The following ZNF676 variants were observed in gnomAD, a reference collection of about 807,000 sequenced individuals.
ZNF676 encodes the protein zinc finger protein 676.
Under a neutral mutation model 6.0 loss-of-function variants are expected in ZNF676, and 4 were observed. That is an observed-to-expected ratio of 0.67 (90% CI 0.33 to 1.53). The LOEUF (loss-of-function observed/expected upper bound fraction) is 1.53, where lower values mean the gene tolerates loss of function less well. Among genes scored for constraint, ZNF676 ranks in the 40% most tolerant of loss-of-function variants. The pLI is 0.06. For missense variants in ZNF676, 644 were observed against 679.7 expected (o/e 0.95, Z 0.58); for synonymous variants, 198 against 223.1 (o/e 0.89, Z 1.00).
upstream of ZNF676, among the ~76,000 whole-genome samples, chr19:22,218,658 A>G (rs1194709950): frequency 6.6e-6 from 1 of 152,004 alleles, no homozygotes; most frequent in Non-Finnish European, 1.5e-5. Context: ...ATCCAGTTTT[A>G]TTCTTCAATA....
Position 22,181,354 on chromosome 19 carries a change from G to C in ZNF676, c.363C>G (p.Val121=), listed in dbSNP as rs2023747429. The C allele has an allele frequency of 6.2e-7, 1 of 1,613,660 alleles. No homozygotes were observed. Among genetic ancestry groups the C allele is most frequent in the Non-Finnish European group, 8.5e-7 (1 of 1,179,740 alleles). Residue 121 remains valine, a synonymous_variant, in exon 3 of 3, where the codon GTC becomes GTG. Transcript: ENST00000397121. ...TGTTTGAATTTGAACATTTATGAAA[G>C]ACGTTTGCATATTTGCCACATTGAA... The part of the protein sequence containing the change: ...KVFQCGKYAN[V]FHKCSNSNRH...
chr19:22,186,793 T>G (rs2023845849), intron 2 of ZNF676, among the ~76,000 whole-genome samples: 1 of 152,198 alleles, frequency 6.6e-6, no homozygotes, highest in Non-Finnish European at 1.5e-5. Flanking sequence ...AGATGGGCAT[T>G]ACATAATGGT....
chr19:22,191,548 C>G (rs1470506926), intron 2 of ZNF676, among the ~76,000 whole-genome samples: 2 of 152,128 alleles, frequency 1.3e-5, no homozygotes, highest in African/African-American at 4.8e-5. Context: ...CATAGAATCC[C>G]ACAGTGACCT....
At chr19:22,188,131 G>A (rs771904181) in intron 2 of ZNF676, among the ~76,000 whole-genome samples, 16 of 151,942 alleles carry the variant, frequency 1.1e-4, no homozygotes, top group South Asian at 4.2e-4. Flanking sequence ...CTGGTAAACC[G>A]AATCCAGCAG....
intron 1 of ZNF676, among the ~76,000 whole-genome samples, chr19:22,215,052 A>AC (rs34347521): frequency 2.4e-5 from 2 of 83,890 alleles, no homozygotes; most frequent in South Asian, 3.9e-4. Flanking sequence ...AAAAAAAAAA[A>AC]AAAAAAAACA....
Position 22,196,939 on chromosome 19 carries a change from G to A in ZNF676, c.-306C>T. The A allele has an allele frequency of 2.0e-6, 1 of 498,656 alleles. No individual in the cohort carries two copies. Among genetic ancestry groups the A allele is most frequent in the South Asian group, 2.7e-5 (1 of 36,478 alleles). 30.9% of individuals were successfully genotyped at this position (498,656 alleles called of 1,614,324 possible). On this transcript the variant is annotated 5_prime_UTR_variant, in exon 1 of 3. Coordinates refer to ENST00000397121, the MANE Select transcript of ZNF676 (RefSeq NM_001001411.3). ...AAGTGGTATAAGATCCATAACATCT[G>A]TGTATATGTAATATTTTTCTAGATA...
chr19:22,196,546 G>A (rs1335401977), intron 1 of ZNF676, 54 bp downstream of exon 1: 10 of 1,612,678 alleles, frequency 6.2e-6, no homozygotes, highest in Non-Finnish European at 7.6e-6. Context: ...AAGGTCTGCA[G>A]CAAAATGAAA....
At chr19:22,254,645 G>A in the ZNF676 span, among the ~76,000 whole-genome samples, 3 of 152,156 alleles carry the variant, frequency 2.0e-5, no homozygotes, top group Non-Finnish European at 2.9e-5. Flanking sequence ...TACCTCTGTA[G>A]GCAGGGCCCA....
chr19:22,198,748 G>A (rs1352601507), upstream of ZNF676, among the ~76,000 whole-genome samples: 2 of 152,048 alleles, frequency 1.3e-5, no homozygotes, highest in Admixed American at 6.6e-5. Flanking sequence ...GCTCCACAGA[G>A]ATAAAAATAT....
the ZNF676 span, chr19:22,243,241 G>A: frequency 6.6e-6 from 1 of 151,966 alleles, no homozygotes; most frequent in Non-Finnish European, 1.5e-5. Context: ...AGTCACTGTG[G>A]TCCTGGGCAT....
chr19:22,251,804 A>AAG, the ZNF676 span, among the ~76,000 whole-genome samples: 2 of 151,140 alleles, frequency 1.3e-5, no homozygotes, highest in Non-Finnish European at 2.9e-5. Flanking sequence ...AAAAAAAAAA[A>AAG]TCCGGATCAC....
chr19:22,215,520 G>T, intron 1 of ZNF676: 2 of 1,302,222 alleles, frequency 1.5e-6, no homozygotes, highest in East Asian at 2.5e-5. Context: ...AGCTAGGCAA[G>T]GAGAACTTGT....
rs1451775054 is a variant in ZNF676, at chr19:22,196,833, T to C, written c.-200A>G. On this transcript the variant is annotated 5_prime_UTR_variant, in exon 1 of 3. It adds an upstream start codon to the 5' untranslated region. Coordinates refer to ENST00000397121, the MANE Select transcript of ZNF676 (RefSeq NM_001001411.3). ...AGTAGAGAGAGCTGGTTCTGACTTA[T>C]ATGAATGACTGAAATTATTCAATAA... 1.8e-5 allele frequency: 18 copies of C among 1,001,488 alleles called. No individual in the cohort carries two copies. The South Asian group carries it at 2.2e-4, about 12-fold the overall frequency. The allele number at this position is 1,001,488 out of a possible 1,614,324, so 62.0% of individuals were successfully genotyped here.
intron 1 of ZNF676, among the ~76,000 whole-genome samples, chr19:22,195,603 G>A (rs1366855661): frequency 6.6e-6 from 1 of 152,182 alleles, no homozygotes; most frequent in South Asian, 2.1e-4. Context: ...ACCAAGCATG[G>A]CTACTAAAGA....
the ZNF676 span, among the ~76,000 whole-genome samples, chr19:22,248,310 G>A: frequency 2.0e-5 from 3 of 152,106 alleles, no homozygotes; most frequent in African/African-American, 4.8e-5. Flanking sequence ...CTAGATCCCC[G>A]AAGAATCACC....
At chr19:22,234,269 T>A in the ZNF676 span, among the ~76,000 whole-genome samples, 1 of 152,300 alleles carries the variant, frequency 6.6e-6, no homozygotes, top group South Asian at 2.1e-4. Context: ...TCTTCCTCTG[T>A]CAAATGATCA....
At chr19:22,217,762 G>T (rs2144846840), upstream of ZNF676, among the ~76,000 whole-genome samples, 1 of 151,976 alleles carries the variant, frequency 6.6e-6, no homozygotes, top group African/African-American at 2.4e-5. Flanking sequence ...GGACTGCAGT[G>T]GTGCGATCTT....
At chr19:22,240,534 C>T in the ZNF676 span, among the ~76,000 whole-genome samples, 48,084 of 151,716 alleles carry the variant, frequency 0.32, 8,016 homozygotes, top group South Asian at 0.42. Flanking sequence ...TGGCTCACGC[C>T]TGTAATCCCA....
At chr19:22,191,229 A>G (rs940797247) in intron 2 of ZNF676, among the ~76,000 whole-genome samples, 6 of 152,150 alleles carry the variant, frequency 3.9e-5, no homozygotes, top group Non-Finnish European at 7.3e-5. Context: ...AAGATTGAGG[A>G]GCACCCTTTT....
Sources: allele counts gnomAD v4.1 joint callset (sites outside exome capture counted in the v4.1 genomes callset), GRCh38; gene constraint gnomAD v4.1.1; transcripts MANE v1.5; gene names NCBI Gene and HGNC (gene_info 2026-07-23, HGNC 2026-07-21).